Variants in CDK6 observed in about 807,000 individuals in gnomAD.
CDK6 encodes cyclin-dependent kinase 6.
In CDK6, 6 loss-of-function variants were observed where a neutral mutation model predicts 37.1. The observed-to-expected ratio is 0.16, with a 90% CI of 0.09 to 0.32. The LOEUF (loss-of-function observed/expected upper bound fraction) is 0.32. CDK6 is among the 10% of genes least tolerant of loss of function. The pLI is 1.00. For missense variants in CDK6, 224 were observed against 418.9 expected (o/e 0.53, Z 4.06); for synonymous variants, 160 against 161.3 (o/e 0.99, Z 0.06).
chr7:92,710,240 G>C (rs998453220), intron 4 of CDK6, among the ~76,000 whole-genome samples: 3 of 152,176 alleles, frequency 2.0e-5, no homozygotes, highest in African/African-American at 7.2e-5. Flanking sequence ...TCAATTATGA[G>C]TGATGAAACC....
chr7:92,760,831 G>C (rs1385397270), intron 3 of CDK6, among the ~76,000 whole-genome samples: 1 of 151,742 alleles, frequency 6.6e-6, no homozygotes, highest in Admixed American at 6.6e-5. Context: ...GAGATTTTTT[G>C]AAAAATCATC....
rs898412622 is a variant in CDK6 at position 92,725,757 on chromosome 7, G to T, written c.406C>A (p.Leu136Ile). ...CGATGCACTACTCGGTGTGAATGAA[G>T]AAAGTCCAGACCTCGGAGAAGCTGA... ...MFQLLRGLDF[L>I]HSHRVVHRDL... The change falls in exon 4 of 8, where the codon CTT (leucine) becomes ATT (isoleucine). Residue 136 changes from leucine to isoleucine, a missense_variant. By Grantham distance (5) the Leu-to-Ile change is conservative (BLOSUM62 2). Coordinates refer to ENST00000424848, the MANE Select transcript of CDK6 (RefSeq NM_001145306.2). 6.2e-7 allele frequency: 1 copy of T among 1,613,928 alleles called. No homozygotes were observed. Among genetic ancestry groups the T allele is most frequent in the African/African-American group, 1.3e-5 (1 of 75,028 alleles).
At chr7:92,806,076 G>A (rs1800716943) in intron 2 of CDK6, among the ~76,000 whole-genome samples, 1 of 151,990 alleles carries the variant, frequency 6.6e-6, no homozygotes, top group Non-Finnish European at 1.5e-5. Context: ...ACTGTAAATT[G>A]TATGTTATGT....
At chr7:92,636,000 A>G (rs1585355047) in intron 5 of CDK6, among the ~76,000 whole-genome samples, 1 of 152,310 alleles carries the variant, frequency 6.6e-6, no homozygotes, top group Non-Finnish European at 1.5e-5. Context: ...AAGTATTTAA[A>G]TGCAATCTAT....
At chr7:92,717,575 A>G (rs73710463) in intron 4 of CDK6, among the ~76,000 whole-genome samples, 7,895 of 152,290 alleles carry the variant, frequency 0.052, 694 homozygotes, top group African/African-American at 0.18. Context: ...TCATACCCTG[A>G]TAGATGCTGG....
At chr7:92,692,487 T>A (rs1797620083) in intron 4 of CDK6, among the ~76,000 whole-genome samples, 1 of 151,690 alleles carries the variant, frequency 6.6e-6, no homozygotes, top group African/African-American at 2.4e-5. Context: ...CTATGAAGAG[T>A]ATGAAAATTA....
intron 2 of CDK6, among the ~76,000 whole-genome samples, chr7:92,817,442 T>C (rs1801058419): frequency 6.6e-6 from 1 of 151,756 alleles, no homozygotes; most frequent in Non-Finnish European, 1.5e-5. Flanking sequence ...ACTGACAAAA[T>C]TCAGTACCCA....
At chr7:92,648,292 A>G (rs1325066447) in intron 5 of CDK6, among the ~76,000 whole-genome samples, 2 of 152,214 alleles carry the variant, frequency 1.3e-5, no homozygotes, top group African/African-American at 2.4e-5. Context: ...AAACTGTGGT[A>G]GACTAATTTG....
chr7:92,660,616 G>A (rs1796813754), intron 5 of CDK6, among the ~76,000 whole-genome samples: 1 of 152,142 alleles, frequency 6.6e-6, no homozygotes, highest in Non-Finnish European at 1.5e-5. Context: ...AGGAAACAGG[G>A]AGACAGATTG....
chr7:92,781,032 G>A (rs1799978120), intron 2 of CDK6, among the ~76,000 whole-genome samples: 1 of 152,092 alleles, frequency 6.6e-6, no homozygotes, highest in South Asian at 2.1e-4. Flanking sequence ...GACTTTTAAA[G>A]GAAAGGAAAA....
At chr7:92,620,377 G>C (rs1303052027) in intron 6 of CDK6, among the ~76,000 whole-genome samples, 1 of 152,044 alleles carries the variant, frequency 6.6e-6, no homozygotes, top group Non-Finnish European at 1.5e-5. Flanking sequence ...TCATTTTATA[G>C]ATGGGGAAAT....
chr7:92,785,406 G>A (rs1015481631), intron 2 of CDK6, among the ~76,000 whole-genome samples: 1 of 152,126 alleles, frequency 6.6e-6, no homozygotes, highest in Admixed American at 6.5e-5. Context: ...TGGAGGAATG[G>A]GGACTGATAA....
At chr7:92,806,079 T>C (rs901379683) in intron 2 of CDK6, among the ~76,000 whole-genome samples, 3 of 152,214 alleles carry the variant, frequency 2.0e-5, no homozygotes, top group African/African-American at 4.8e-5. Context: ...GTAAATTGTA[T>C]GTTATGTTTA....
chr7:92,767,714 T>A (rs1364875476), intron 3 of CDK6, among the ~76,000 whole-genome samples: 1 of 151,162 alleles, frequency 6.6e-6, no homozygotes. Flanking sequence ...GTATAGTCTT[T>A]AAAAAAAAAC....
At chr7:92,663,957 C>T (rs899999439) in intron 5 of CDK6, among the ~76,000 whole-genome samples, 5 of 151,624 alleles carry the variant, frequency 3.3e-5, no homozygotes, top group African/African-American at 4.8e-5. Context: ...ATCAAGACCA[C>T]GGTGAAACCC....
chr7:92,774,122 A>C (rs1799785006), intron 3 of CDK6, among the ~76,000 whole-genome samples: 1 of 152,204 alleles, frequency 6.6e-6, no homozygotes, highest in Admixed American at 6.5e-5. Context: ...AAGGATAGAA[A>C]GCATGTCTCA....
intron 3 of CDK6, among the ~76,000 whole-genome samples, chr7:92,756,909 ATATAATTTGTGAGAGAGC>A (rs998619324): frequency 3.7e-4 from 57 of 152,218 alleles, no homozygotes; most frequent in African/African-American, 1.2e-3. Context: ...TCTTTTCTAA[ATATAATTTGTGAGAGAGC>A]TACTGAATTT....
At chr7:92,772,715 C>G (rs542152722) in intron 3 of CDK6, among the ~76,000 whole-genome samples, 141 of 152,080 alleles carry the variant, frequency 9.3e-4, no homozygotes, top group Middle Eastern at 6.8e-3. Context: ...GCTTGCCCCT[C>G]CACCCTCACC....
chr7:92,700,050 A>G (rs1201506027), intron 4 of CDK6, among the ~76,000 whole-genome samples: 1 of 152,090 alleles, frequency 6.6e-6, no homozygotes, highest in African/African-American at 2.4e-5. Context: ...CATCAACTCC[A>G]CAGGGGTGAG....
Sources: gnomAD v4.1 joint callset for allele counts (sites outside exome capture counted in the v4.1 genomes callset) on GRCh38, gnomAD v4.1.1 for gene constraint, MANE v1.5 for transcripts, NCBI Gene and HGNC (gene_info 2026-07-23, HGNC 2026-07-21) for gene names.